Variants in RARB observed in about 807,000 individuals in gnomAD.
The protein encoded by RARB is HBV-activated protein.
Under a neutral mutation model 51.9 loss-of-function variants are expected in RARB, and 17 were observed. That is an observed-to-expected ratio of 0.33 (90% CI 0.22 to 0.49). RARB has a LOEUF of 0.49. Among genes scored for constraint, RARB ranks in the 20% least tolerant of loss-of-function variants. The pLI is 0.99. For synonymous variants in RARB, 215 were observed against 195.4 expected, an observed-to-expected ratio of 1.10 and a Z score of -0.84; for missense variants, 369 against 550.8, an observed-to-expected ratio of 0.67 and a Z score of 3.30.
At chr3:24,970,518 C>T (rs534396680) in intron 2 of RARB, among the ~76,000 whole-genome samples, 2 of 150,848 alleles carry the variant, frequency 1.3e-5, no homozygotes, top group Non-Finnish European at 3.0e-5. Context: ...TATCAAAGAC[C>T]GGAAAATGTA....
At chr3:25,191,911 T>G (rs1246868978) in intron 5 of RARB, among the ~76,000 whole-genome samples, 1 of 152,128 alleles carries the variant, frequency 6.6e-6, no homozygotes, top group African/African-American at 2.4e-5. Flanking sequence ...TTTCCTTTAA[T>G]GTAAAGCAGG....
intron 1 of RARB, among the ~76,000 whole-genome samples, chr3:24,840,906 C>T (rs1413068738): frequency 6.6e-6 from 1 of 151,948 alleles, no homozygotes; most frequent in African/African-American, 2.4e-5. Context: ...GAAACACACA[C>T]ACATAGCACC....
At chr3:25,370,192 G>A (rs1706256162) in intron 5 of RARB, among the ~76,000 whole-genome samples, 1 of 152,120 alleles carries the variant, frequency 6.6e-6, no homozygotes, top group Admixed American at 6.5e-5. Context: ...AAGGAAAGCA[G>A]GATGGAGGTA....
At chr3:24,872,498 G>A (rs986497616) in intron 2 of RARB, among the ~76,000 whole-genome samples, 2 of 152,116 alleles carry the variant, frequency 1.3e-5, no homozygotes, top group Non-Finnish European at 2.9e-5. Flanking sequence ...CAAGAAGCAC[G>A]GTGCCAATAT....
intron 2 of RARB, among the ~76,000 whole-genome samples, chr3:24,874,893 T>C (rs879774361): frequency 1.3e-5 from 2 of 152,094 alleles, no homozygotes; most frequent in African/African-American, 2.4e-5. Flanking sequence ...TTTACTCTAC[T>C]ACACTAAAAG....
intron 2 of RARB, among the ~76,000 whole-genome samples, chr3:24,869,821 T>G (rs1360795628): frequency 6.6e-6 from 1 of 152,104 alleles, no homozygotes; most frequent in Non-Finnish European, 1.5e-5. Flanking sequence ...GTGTTAATCA[T>G]TCCCTGGTTT....
At chr3:25,477,839 A>G (rs148194383) in intron 2 of RARB, among the ~76,000 whole-genome samples, 1 of 152,212 alleles carries the variant, frequency 6.6e-6, no homozygotes, top group African/African-American at 2.4e-5. Flanking sequence ...TTATGTAAGC[A>G]TAGTGGGGAT....
intron 2 of RARB, among the ~76,000 whole-genome samples, chr3:24,888,538 T>C (rs1703309664): frequency 6.6e-6 from 1 of 152,178 alleles, no homozygotes; most frequent in Non-Finnish European, 1.5e-5. Context: ...CAGCCAAAGT[T>C]GGGTTTAAAT....
chr3:25,045,177 C>G (rs148880153), intron 2 of RARB, among the ~76,000 whole-genome samples: 3 of 152,182 alleles, frequency 2.0e-5, no homozygotes, highest in African/African-American at 4.8e-5. Flanking sequence ...TGCCTTCTTG[C>G]AAAAGCAACT....
At chr3:25,229,217 T>C (rs1702122064) in intron 5 of RARB, among the ~76,000 whole-genome samples, 1 of 152,140 alleles carries the variant, frequency 6.6e-6, no homozygotes, top group Admixed American at 6.6e-5. Flanking sequence ...TTTGTAGTTG[T>C]CATTGTTTCT....
chr3:25,242,815 T>C (rs1297582257), intron 5 of RARB, among the ~76,000 whole-genome samples: 1 of 152,168 alleles, frequency 6.6e-6, no homozygotes, highest in Non-Finnish European at 1.5e-5. Context: ...CCATATGAAA[T>C]TTAAAGAAGT....
rs141033754 is a variant in RARB, at chr3:25,050,801, T to C, written c.-379-9324T>C. 1.6e-3 allele frequency among the ~76,000 whole-genome samples: 251 copies of C among 152,362 alleles called. 2 individuals carry two copies. Among genetic ancestry groups the C allele is most frequent in the African/African-American group, 5.8e-3 (240 of 41,590 alleles). On this transcript the variant is annotated intron_variant, in intron 2 of 11. Transcript: ENST00000383772. ...ATAATTAATCAATATTCAACACTTA[T>C]GAATATGCAAATATTGCTTACATAT... is the stretch of plus-strand genomic sequence containing the variant.
At chr3:24,942,904 T>C (rs922073392) in intron 2 of RARB, among the ~76,000 whole-genome samples, 1 of 152,220 alleles carries the variant, frequency 6.6e-6, no homozygotes, top group Admixed American at 6.5e-5. Context: ...CTTCCTGTTA[T>C]CTCATTTTAA....
intron 3 of RARB, among the ~76,000 whole-genome samples, chr3:25,521,479 T>G (rs1034161564): frequency 6.6e-6 from 1 of 152,218 alleles, no homozygotes; most frequent in African/African-American, 2.4e-5. Flanking sequence ...TGACAGCTTC[T>G]AGGATATTCT....
intron 2 of RARB, among the ~76,000 whole-genome samples, chr3:25,032,922 C>T (rs1697905415): frequency 6.6e-6 from 1 of 152,172 alleles, no homozygotes; most frequent in African/African-American, 2.4e-5. Context: ...TTACCTCATG[C>T]AATGAACATA....
At chr3:25,533,472 G>T (rs2125646162) in intron 3 of RARB, among the ~76,000 whole-genome samples, 1 of 152,280 alleles carries the variant, frequency 6.6e-6, no homozygotes, top group Non-Finnish European at 1.5e-5. Flanking sequence ...TTATTATTTT[G>T]CATCTTGGGC....
intron 5 of RARB, among the ~76,000 whole-genome samples, chr3:25,217,080 G>C (rs1701850634): frequency 6.6e-6 from 1 of 152,164 alleles, no homozygotes; most frequent in South Asian, 2.1e-4. Flanking sequence ...AGCAGCCATT[G>C]ATTCTCAATC....
intron 5 of RARB, among the ~76,000 whole-genome samples, chr3:25,260,574 G>A (rs1187629470): frequency 3.9e-5 from 6 of 152,058 alleles, no homozygotes; most frequent in Non-Finnish European, 8.8e-5. Context: ...TCAGAATTGA[G>A]CCAAGTCTTA....
chr3:25,173,725 G>A (rs1700687236), intron 4 of RARB, among the ~76,000 whole-genome samples: 1 of 152,150 alleles, frequency 6.6e-6, no homozygotes, highest in African/African-American at 2.4e-5. Flanking sequence ...ACTCTTCTAG[G>A]AGCTTAAAGC....
Sources: gnomAD v4.1 joint callset for allele counts (sites outside exome capture counted in the v4.1 genomes callset) on GRCh38, gnomAD v4.1.1 for gene constraint, MANE v1.5 for transcripts, NCBI Gene and HGNC (gene_info 2026-07-23, HGNC 2026-07-21) for gene names.